Variants in PLXNC1 observed in about 807,000 individuals in gnomAD.
PLXNC1 encodes plexin C1.
A neutral mutation model predicts 178.2 loss-of-function variants in PLXNC1; 75 were observed. The observed-to-expected ratio is 0.42, with a 90% CI of 0.35 to 0.51. The LOEUF is 0.51. Among genes scored for constraint, PLXNC1 ranks in the 20% least tolerant of loss-of-function variants. The pLI, the probability that PLXNC1 is intolerant of heterozygous loss-of-function variation, is 0.02. For synonymous variants in PLXNC1, 790 were observed against 779.9 expected, an observed-to-expected ratio of 1.01 and a Z score of -0.22; for missense variants, 1,503 against 1,984.4, an observed-to-expected ratio of 0.76 and a Z score of 4.61.
intron 4 of PLXNC1, among the ~76,000 whole-genome samples, chr12:94,202,318 G>A (rs1269733319): frequency 1.3e-5 from 2 of 152,260 alleles, no homozygotes; most frequent in Non-Finnish European, 2.9e-5. Flanking sequence ...GCAGTTCCTA[G>A]TGGAGTGTTT....
intron 5 of PLXNC1, among the ~76,000 whole-genome samples, chr12:94,218,311 T>G (rs977625786): frequency 1.3e-5 from 2 of 152,088 alleles, no homozygotes; most frequent in African/African-American, 4.8e-5. Flanking sequence ...AATGGGAAGA[T>G]AGGGGTGACC....
chr12:94,185,630 T>G (rs1225467751), intron 3 of PLXNC1, among the ~76,000 whole-genome samples: 1 of 152,150 alleles, frequency 6.6e-6, no homozygotes, highest in Non-Finnish European at 1.5e-5. Context: ...ATTTGACTAC[T>G]CCCCCTGTTT....
intron 1 of PLXNC1, among the ~76,000 whole-genome samples, chr12:94,166,938 T>TA (rs1961636452): frequency 6.6e-6 from 1 of 152,142 alleles, no homozygotes; most frequent in African/African-American, 2.4e-5. Flanking sequence ...GCTGATTTTT[T>TA]ATCTCTGTAG....
chr12:94,255,032 TTG>T lies in PLXNC1; in HGVS notation c.2983+148_2983+149del, dbSNP rs1173043233. The T allele has an allele frequency of 1.0e-5, 9 of 902,006 alleles. No individual in the cohort carries two copies. In the East Asian group the frequency reaches 2.4e-4, roughly 24 times the overall value. 55.9% of individuals were successfully genotyped at this position (902,006 alleles called of 1,614,324 possible). On this transcript the variant is annotated intron_variant, in intron 16 of 30. Transcript: ENST00000258526. Reference sequence around the variant, plus strand: ...GGAAGGGCAGGGCCTGGGCCTGGCTTTGTGTTTTATTTCAGCTCTTCTCTGCA... The same window carrying T: ...GGAAGGGCAGGGCCTGGGCCTGGCTTTGTTTTATTTCAGCTCTTCTCTGCA...
chr12:94,160,362 T>C (rs1316774134), intron 1 of PLXNC1, among the ~76,000 whole-genome samples: 1 of 151,600 alleles, frequency 6.6e-6, no homozygotes, highest in Admixed American at 6.8e-5. Context: ...ACACTGGGGC[T>C]CTGTTTTGAG....
intron 22 of PLXNC1, among the ~76,000 whole-genome samples, chr12:94,280,550 G>A (rs1312512059): frequency 6.6e-6 from 1 of 152,176 alleles, no homozygotes; most frequent in Non-Finnish European, 1.5e-5. Context: ...TTGGTGATGT[G>A]GCTTTAAAGA....
chr12:94,290,376 A>G (rs954875544), intron 23 of PLXNC1, among the ~76,000 whole-genome samples: 4 of 152,276 alleles, frequency 2.6e-5, no homozygotes, highest in African/African-American at 9.6e-5. Flanking sequence ...ATCAGCCAGC[A>G]AACAATGAAT....
At chr12:94,279,704 C>A in intron 22 of PLXNC1, 55 bp downstream of exon 22, 2 of 1,465,618 alleles carry the variant, frequency 1.4e-6, no homozygotes, top group East Asian at 2.3e-5. Flanking sequence ...TCCCTCCCTG[C>A]CTGCCCTCCC....
In PLXNC1 at chr12:94,149,606, G is replaced by T; in HGVS notation, c.635G>T (p.Gly212Val). 6.3e-7 allele frequency: 1 copy of T among 1,579,596 alleles called. No homozygotes were observed. ...DTAIALKDTE[G>V]RSLATQELGR... Reference sequence around the variant, plus strand: ...GCCATCGCGCTCAAGGACACGGAGGGGCGCAGCCTGGCCACGCAGGAGCTG... The same window carrying T: ...GCCATCGCGCTCAAGGACACGGAGGTGCGCAGCCTGGCCACGCAGGAGCTG... Residue 212 changes from glycine to valine, a missense_variant, in exon 1 of 31, where the codon GGG (glycine) becomes GTG (valine). By Grantham distance (109) the Gly-to-Val change is moderately radical (BLOSUM62 -3). Coordinates refer to ENST00000258526, the MANE Select transcript of PLXNC1 (RefSeq NM_005761.3).
At chr12:94,265,836 T>C (rs1373564940) in intron 21 of PLXNC1, among the ~76,000 whole-genome samples, 2 of 152,144 alleles carry the variant, frequency 1.3e-5, no homozygotes, top group African/African-American at 2.4e-5. Flanking sequence ...TTCTTTCTAA[T>C]TCATCCCCAC....
intron 1 of PLXNC1, chr12:94,168,422 T>C (rs1425267352): frequency 6.6e-6 from 1 of 152,270 alleles, no homozygotes; most frequent in Non-Finnish European, 1.5e-5. Flanking sequence ...AGGGGCTTTA[T>C]TTAATGATCA....
At chr12:94,225,958 C>G (rs1205991079) in intron 7 of PLXNC1, among the ~76,000 whole-genome samples, 1 of 152,178 alleles carries the variant, frequency 6.6e-6, no homozygotes, top group Middle Eastern at 3.2e-3. Flanking sequence ...GTGCTAGCAC[C>G]CCTTGCTAGA....
intron 26 of PLXNC1, 44 bp downstream of exon 26, chr12:94,297,467 T>C (rs746359606): frequency 1.5e-6 from 2 of 1,292,886 alleles, no homozygotes; most frequent in Non-Finnish European, 2.2e-6. Flanking sequence ...ACCTAGGGGG[T>C]GTATGATATG....
chr12:94,210,444 A>G (rs1216105505), intron 5 of PLXNC1, among the ~76,000 whole-genome samples: 1 of 152,202 alleles, frequency 6.6e-6, no homozygotes, highest in African/African-American at 2.4e-5. Context: ...CTCTTGTGTT[A>G]TGAATAATTG....
At chr12:94,282,696 AAG>A (rs1966538469) in intron 23 of PLXNC1, 1 of 261,062 alleles carries the variant, frequency 3.8e-6, no homozygotes, top group Admixed American at 4.9e-5. Flanking sequence ...AAAGCCAGAG[AAG>A]AGTTATCCTT....
At chr12:94,202,120 C>T (rs1317153316) in intron 4 of PLXNC1, among the ~76,000 whole-genome samples, 1 of 152,152 alleles carries the variant, frequency 6.6e-6, no homozygotes, top group Non-Finnish European at 1.5e-5. Flanking sequence ...GCTGAAATGC[C>T]ATCTTTCTTC....
intron 4 of PLXNC1, among the ~76,000 whole-genome samples, chr12:94,201,224 G>A (rs59627662): frequency 0.17 from 26,638 of 152,224 alleles, 2,478 homozygotes; most frequent in Middle Eastern, 0.19. Context: ...GGAGGAAACA[G>A]AGCTGTGATT....
Position 94,169,283 on chromosome 12 carries a change from A to T in PLXNC1, c.1193A>T (p.Gln398Leu). Residue 398 changes from glutamine to leucine, a missense_variant, in exon 2 of 31, where the codon CAG (glutamine) becomes CTG (leucine). This residue lies in a region of PLXNC1 where 615 missense variants were observed against 698.6 expected (regional missense o/e 0.88). Transcript: ENST00000258526. ...TVLFLGTGDG[Q>L]LLKVILGENL... ...TTATTCTTGGGGACTGGAGATGGCCAGTTACTTAAGGTTGGTTTTCTGTGC... is the reference window on the plus strand; with the variant it reads ...TTATTCTTGGGGACTGGAGATGGCCTGTTACTTAAGGTTGGTTTTCTGTGC... The T allele has an allele frequency of 1.2e-6, 2 of 1,613,810 alleles. No individual in the cohort carries two copies. The highest frequency in any genetic ancestry group is 1.7e-6 in the Non-Finnish European group (2 of 1,179,844).
intron 23 of PLXNC1, among the ~76,000 whole-genome samples, chr12:94,293,912 G>A (rs1020502156): frequency 2.6e-5 from 4 of 151,986 alleles, no homozygotes; most frequent in Admixed American, 6.6e-5. Context: ...GAGGCACCAC[G>A]CCCAGCCCTG....
Sources: allele counts gnomAD v4.1 joint callset (sites outside exome capture counted in the v4.1 genomes callset), GRCh38; gene constraint gnomAD v4.1.1; regional missense constraint gnomAD v4.1.1; transcripts MANE v1.5; gene names NCBI Gene and HGNC (gene_info 2026-07-23, HGNC 2026-07-21).